Variants in NXN observed in about 807,000 individuals in gnomAD.
The protein encoded by NXN is nucleoredoxin.
A neutral mutation model predicts 48.6 loss-of-function variants in NXN; 16 were observed. The observed-to-expected ratio is 0.33, with a 90% CI of 0.22 to 0.50. The LOEUF is 0.50. NXN is among the 20% of genes least tolerant of loss of function. NXN has a pLI of 0.98. For missense variants in NXN, 492 were observed against 605.5 expected (o/e 0.81, Z 1.97); for synonymous variants, 281 against 269.6 (o/e 1.04, Z -0.41).
chr17:905,540 G>A (rs945396055), intron 1 of NXN, among the ~76,000 whole-genome samples: 6 of 152,294 alleles, frequency 3.9e-5, no homozygotes, highest in East Asian at 1.9e-4. Context: ...AGGCTAGAAC[G>A]TAGTAAAATA....
intron 1 of NXN, among the ~76,000 whole-genome samples, chr17:885,563 G>A (rs768404493): frequency 6.6e-6 from 1 of 150,898 alleles, no homozygotes; most frequent in Non-Finnish European, 1.5e-5. Flanking sequence ...TCTCATAATC[G>A]TTTCTTAGCC....
intron 1 of NXN, among the ~76,000 whole-genome samples, chr17:922,403 C>T (rs2068758295): frequency 1.3e-5 from 2 of 151,996 alleles, no homozygotes; most frequent in South Asian, 4.2e-4. Context: ...AAGATCGTGC[C>T]ACTGCACTCC....
intron 1 of NXN, among the ~76,000 whole-genome samples, chr17:872,041 G>T (rs553628683): frequency 7.2e-5 from 11 of 152,300 alleles, no homozygotes; most frequent in African/African-American, 2.4e-4. Flanking sequence ...TGAGGACTGT[G>T]ATTCTAAAAC....
rs147350032 is a variant in NXN at position 862,908 on chromosome 17, A to C, written c.361-36830T>G. On this transcript the variant is annotated intron_variant, in intron 1 of 7. Coordinates refer to ENST00000336868, the MANE Select transcript of NXN (RefSeq NM_022463.5). ...TATGCTCTAAACGTATCAATGCTAC[A>C]TTTCTTGGGTATGATAACGGTATTA... Among the ~76,000 whole-genome samples the C allele has an allele frequency of 4.0e-3, 611 of 152,290 alleles. 4 individuals are homozygous for C. The highest frequency in any genetic ancestry group is 0.013 in the African/African-American group (549 of 41,552).
At chr17:841,478 A>G (rs925048832) in intron 1 of NXN, among the ~76,000 whole-genome samples, 1,473 of 142,210 alleles carry the variant, frequency 0.01, 3 homozygotes, top group East Asian at 0.063. Flanking sequence ...ACGGGCGAGC[A>G]GGTCCCCCCT....
chr17:807,769 C>G (rs1045800400), intron 5 of NXN, among the ~76,000 whole-genome samples: 2 of 152,260 alleles, frequency 1.3e-5, no homozygotes, highest in African/African-American at 4.8e-5. Context: ...CTGTGCCAGG[C>G]TGCCTCCCCT....
At chr17:909,786 C>T (rs886367715) in intron 1 of NXN, 3 of 152,118 alleles carry the variant, frequency 2.0e-5, no homozygotes, top group African/African-American at 7.2e-5. Context: ...GATCCACCCA[C>T]CTCGGCCTCC....
At chr17:837,563 C>T (rs1913895547) in intron 1 of NXN, among the ~76,000 whole-genome samples, 1 of 152,220 alleles carries the variant, frequency 6.6e-6, no homozygotes, top group African/African-American at 2.4e-5. Flanking sequence ...AGCTCAGCTA[C>T]TTAATGGCTT....
At chr17:827,551 A>G (rs1913192038) in intron 1 of NXN, among the ~76,000 whole-genome samples, 1 of 152,194 alleles carries the variant, frequency 6.6e-6, no homozygotes. Context: ...TGAACCCGGG[A>G]GGCGGGGCTT....
Position 920,205 on chromosome 17 carries a change from C to T in NXN, c.360+59114G>A, listed in dbSNP as rs1437932984. 7.2e-5 allele frequency among the ~76,000 whole-genome samples: 11 copies of T among 152,112 alleles called. No homozygotes were observed. Among genetic ancestry groups the T allele is most frequent in the Non-Finnish European group, 1.6e-4 (11 of 68,028 alleles). Reference sequence around the variant, plus strand: ...ACGAGCCATCACGCCCAGTCTACACCCCGAAATCCAACATTACAAACTTAT... The same window carrying T: ...ACGAGCCATCACGCCCAGTCTACACTCCGAAATCCAACATTACAAACTTAT... On this transcript the variant is annotated intron_variant, in intron 1 of 7. Coordinates refer to ENST00000336868, the MANE Select transcript of NXN (RefSeq NM_022463.5). This position sits in a 1 kb window ranked among gnomAD's most constrained non-coding sequence, Gnocchi z 4.6.
chr17:928,390 G>A (rs2068822430), intron 1 of NXN, among the ~76,000 whole-genome samples: 1 of 152,180 alleles, frequency 6.6e-6, no homozygotes, highest in South Asian at 2.1e-4. Context: ...CCACAGGCTG[G>A]ATAATGTGAA....
chr17:800,846 T>G lies in NXN; in HGVS notation c.*103A>C, dbSNP rs1597604570. ...ACCACAGAGAGGCTGGACACTTGGG[T>G]GGTGGGATTCGGGGCACGCTGGGTA... is the stretch of plus-strand genomic sequence containing the variant. On this transcript the variant is annotated 3_prime_UTR_variant, in exon 8 of 8. Coordinates refer to ENST00000336868, the MANE Select transcript of NXN (RefSeq NM_022463.5). 1.3e-5 allele frequency: 9 copies of G among 671,902 alleles called. No homozygotes were observed. The highest frequency in any genetic ancestry group is 5.1e-5 in the South Asian group (1 of 19,602). 41.6% of individuals were successfully genotyped at this position (671,902 alleles called of 1,614,324 possible).
At chr17:872,179 T>G (rs529471217) in intron 1 of NXN, among the ~76,000 whole-genome samples, 63 of 139,936 alleles carry the variant, frequency 4.5e-4, no homozygotes, top group Non-Finnish European at 7.4e-4. Context: ...AACCCGTGAA[T>G]CAAAGACAAG....
intron 5 of NXN, among the ~76,000 whole-genome samples, chr17:812,726 T>A (rs545814230): frequency 7.0e-6 from 1 of 142,670 alleles, no homozygotes; most frequent in Admixed American, 7.0e-5. Flanking sequence ...GTGTAGGGTG[T>A]GTGAGTGTAG....
chr17:811,696 GGC>G (rs1474260548), intron 5 of NXN, among the ~76,000 whole-genome samples: 1 of 152,100 alleles, frequency 6.6e-6, no homozygotes, highest in Non-Finnish European at 1.5e-5. Context: ...TGGCCAGGCC[GGC>G]CTGGGGCCCA....
chr17:926,007 A>ATTTTTC (rs1408936101), intron 1 of NXN, among the ~76,000 whole-genome samples: 2 of 152,176 alleles, frequency 1.3e-5, no homozygotes, highest in East Asian at 1.9e-4. Context: ...CAAAAGAGCC[A>ATTTTTC]TTTTTCACAA....
Position 882,761 on chromosome 17 carries a change from G to A in NXN, c.361-56683C>T, listed in dbSNP as rs373002262. On this transcript the variant is annotated intron_variant, in intron 1 of 7. Coordinates refer to ENST00000336868, the MANE Select transcript of NXN (RefSeq NM_022463.5). ...ATTATAGGCGTTAGCCACCGCACCC[G>A]GCCTCTTTGTTTTGTTTTTGAGACG... Among the ~76,000 whole-genome samples the A allele has an allele frequency of 8.8e-4, 133 of 151,116 alleles. 1 individual carries two copies. Among genetic ancestry groups the A allele is most frequent in the Middle Eastern group, 3.6e-3 (1 of 280 alleles).
intron 1 of NXN, among the ~76,000 whole-genome samples, chr17:962,083 G>A (rs1338911475): frequency 2.6e-5 from 4 of 152,130 alleles, no homozygotes; most frequent in Non-Finnish European, 1.5e-5. Flanking sequence ...GCAGTGAGCC[G>A]AGATCGCGCC....
chr17:866,160 C>A (rs1359531133), intron 1 of NXN, among the ~76,000 whole-genome samples: 1 of 151,932 alleles, frequency 6.6e-6, no homozygotes, highest in African/African-American at 2.4e-5. Flanking sequence ...GTCGGCTATG[C>A]CGATAGGAAG....
Sources: allele counts gnomAD v4.1 joint callset (sites outside exome capture counted in the v4.1 genomes callset), GRCh38; gene constraint gnomAD v4.1.1; non-coding constraint Gnocchi (gnomAD v3.1); transcripts MANE v1.5; gene names NCBI Gene and HGNC (gene_info 2026-07-23, HGNC 2026-07-21).